Variants in ARHGAP21 observed in about 807,000 individuals in gnomAD.
ARHGAP21 encodes the protein Rho GTPase activating protein 21, also known as rho GTPase-activating protein 21.
A neutral mutation model predicts 164.6 loss-of-function variants in ARHGAP21; 38 were observed. The observed-to-expected ratio is 0.23, with a 90% CI of 0.18 to 0.30. The LOEUF (loss-of-function observed/expected upper bound fraction) is 0.30. ARHGAP21 is among the 10% of genes least tolerant of loss of function. The pLI is 1.00. For missense variants in ARHGAP21, 1,822 were observed against 2,370.7 expected, an observed-to-expected ratio of 0.77 and a Z score of 4.81; for synonymous variants, 766 against 857.9, an observed-to-expected ratio of 0.89 and a Z score of 1.87.
chr10:24,633,512 A>C (rs1200011183), intron 5 of ARHGAP21, 32 bp from the exon 6 acceptor site: 2 of 1,497,046 alleles, frequency 1.3e-6, no homozygotes, highest in Admixed American at 3.5e-5. Context: ...CAAATGAGAG[A>C]TCCTGCAGAA....
In ARHGAP21 at chr10:24,707,202, T is replaced by C. The variant is rs185291870; in HGVS notation, c.63+14635A>G. ...TGTAGCAATGTGAGAAAAGCCTAGA[T>C]CTTAATAAGACAGATGTATGACCAA... On this transcript the variant is annotated intron_variant, in intron 2 of 25. Transcript: ENST00000396432. Among the ~76,000 whole-genome samples the C allele has an allele frequency of 9.8e-4, 150 of 152,318 alleles. No individual in the cohort carries two copies. In the Middle Eastern group the frequency reaches 0.01, roughly 10 times the overall value.
chr10:24,697,175 G>A (rs891054746), intron 2 of ARHGAP21, among the ~76,000 whole-genome samples: 1 of 152,114 alleles, frequency 6.6e-6, no homozygotes, highest in African/African-American at 2.4e-5. Flanking sequence ...TGATGACCCA[G>A]ATGGGGCAAA....
At chr10:24,596,711 A>C (rs758955849) in intron 17 of ARHGAP21, 29 bp downstream of exon 17, 22 of 1,613,066 alleles carry the variant, frequency 1.4e-5, no homozygotes, top group Admixed American at 1.3e-4. Flanking sequence ...TAATGACTTG[A>C]GGAAATCCGG....
At chr10:24,590,837 A>G (rs1592927451) in intron 24 of ARHGAP21, 1 of 983,062 alleles carries the variant, frequency 1.0e-6, no homozygotes, top group East Asian at 1.1e-4. Flanking sequence ...AATAAGAACT[A>G]CTTATACAGC....
Position 24,620,859 on chromosome 10 carries a change from G to A in ARHGAP21, c.1036C>T (p.Leu346Phe), listed in dbSNP as rs757953065. ...SRSLEPSGIL[L>F]KSGNYSGHSD... ...TGTCCACTGTAATTTCCAGACTTAA[G>A]TAAAATTCCAGAAGGTTCCAGTGAT... is the stretch of plus-strand genomic sequence containing the variant. Residue 346 changes from leucine (L) to phenylalanine (F), a missense_variant, in exon 9 of 26, where the codon CTT (leucine) becomes TTT (phenylalanine). This residue lies in a region of ARHGAP21 where 1,090 missense variants were observed against 1,378.9 expected (regional missense o/e 0.79). Coordinates refer to ENST00000396432, the MANE Select transcript of ARHGAP21 (RefSeq NM_020824.4). 8 of 1,613,982 alleles carry A rather than the reference G, an allele frequency of 5.0e-6. No homozygotes were observed. The highest frequency in any genetic ancestry group is 6.8e-6 in the Non-Finnish European group (8 of 1,179,890).
intron 7 of ARHGAP21, among the ~76,000 whole-genome samples, chr10:24,625,319 A>AC: frequency 6.6e-6 from 1 of 151,164 alleles, no homozygotes; most frequent in Non-Finnish European, 1.5e-5. Context: ...AAAAAAAAAA[A>AC]AAAACCTGAA....
At chr10:24,612,143 C>A (rs1404073675) in intron 9 of ARHGAP21, among the ~76,000 whole-genome samples, 1 of 152,102 alleles carries the variant, frequency 6.6e-6, no homozygotes, top group Non-Finnish European at 1.5e-5. Context: ...GTGAAATTAT[C>A]AGAATTTTCA....
At chr10:24,614,030 G>GT (rs2077373783) in intron 9 of ARHGAP21, among the ~76,000 whole-genome samples, 1 of 152,196 alleles carries the variant, frequency 6.6e-6, no homozygotes, top group South Asian at 2.1e-4. Flanking sequence ...CTGACATGCT[G>GT]TAACAATTTC....
chr10:24,715,062 G>GA (rs1216724274), intron 2 of ARHGAP21, among the ~76,000 whole-genome samples: 3 of 151,410 alleles, frequency 2.0e-5, no homozygotes, highest in African/African-American at 4.8e-5. Context: ...AAAAGAAAAA[G>GA]AAAAAATTGT....
intron 4 of ARHGAP21, chr10:24,648,727 C>CGAGAT (rs1471150094): frequency 1.2e-6 from 1 of 850,380 alleles, no homozygotes; most frequent in East Asian, 1.2e-4. Context: ...TGCAGTGAGC[C>CGAGAT]GAGATGGTGC....
At chr10:24,647,177 T>C (rs947698701) in intron 4 of ARHGAP21, among the ~76,000 whole-genome samples, 2 of 152,232 alleles carry the variant, frequency 1.3e-5, no homozygotes, top group South Asian at 2.1e-4. Flanking sequence ...AACCTACTCC[T>C]AGAAATGGAA....
intron 2 of ARHGAP21, among the ~76,000 whole-genome samples, chr10:24,695,942 C>G (rs1843137645): frequency 6.6e-6 from 1 of 152,120 alleles, no homozygotes; most frequent in Non-Finnish European, 1.5e-5. Context: ...GCTGGAGGAC[C>G]CAGGTAAGCC....
At chr10:24,648,717 T>C (rs562700154) in intron 4 of ARHGAP21, 49 of 777,224 alleles carry the variant, frequency 6.3e-5, no homozygotes, top group Non-Finnish European at 4.2e-5. Flanking sequence ...AGGCGCAGGC[T>C]GCAGTGAGCC....
rs371239033 is a variant in ARHGAP21, at chr10:24,600,736, G to A, written c.3042C>T (p.Ser1014=). The A allele has an allele frequency of 2.2e-5, 35 of 1,613,832 alleles. No individual in the cohort carries two copies. Among genetic ancestry groups the A allele is most frequent in the African/African-American group, 6.7e-5 (5 of 74,908 alleles). ...KRKNVFRLTT[S]DCECLFQAED... ...CAGCCTGAAACAGGCATTCACAGTC[G>A]GACGTGGTGAGTCGAAACACATTTT... Residue 1014 remains serine (S), a synonymous_variant, in exon 14 of 26, where the codon TCC becomes TCT. Coordinates refer to ENST00000396432, the MANE Select transcript of ARHGAP21 (RefSeq NM_020824.4).
intron 7 of ARHGAP21, 92 bp downstream of exon 7, chr10:24,629,904 T>C: frequency 1.1e-6 from 1 of 935,996 alleles, no homozygotes; most frequent in South Asian, 1.4e-5. Flanking sequence ...TAGAATTTTT[T>C]TTAAATTCCA....
intron 2 of ARHGAP21, among the ~76,000 whole-genome samples, chr10:24,671,871 T>C (rs1338850804): frequency 1.3e-5 from 2 of 148,490 alleles, no homozygotes; most frequent in Admixed American, 1.4e-4. Context: ...TACAGGTGAA[T>C]GTCATCAAGC....
At position 24,585,722 on chromosome 10, in the gene ARHGAP21, T is replaced by A; in HGVS notation, c.4567A>T (p.Ile1523Phe). Residue 1523 changes from isoleucine to phenylalanine, a missense_variant, in exon 26 of 26, where the codon ATC (isoleucine) becomes TTC (phenylalanine). By Grantham distance (21) the Ile-to-Phe change is conservative. Around this residue, in one of 5 missense-constraint regions of ARHGAP21, gnomAD observed 333 missense variants for 383.9 expected, o/e 0.87. Transcript: ENST00000396432. Reference sequence around the variant, plus strand: ...AGTGACCTGGGGCTCTCTTTCAGGATGGCAAAGCGACAGCTGAGAGTTGGT... The same window carrying A: ...AGTGACCTGGGGCTCTCTTTCAGGAAGGCAAAGCGACAGCTGAGAGTTGGT... Reference protein sequence around the residue: ...KSPTLSCRFAILKESPRSLLA... With the variant: ...KSPTLSCRFAFLKESPRSLLA... The A allele has an allele frequency of 6.2e-7, 1 of 1,614,102 alleles. No homozygotes were observed. Among genetic ancestry groups the A allele is most frequent in the Non-Finnish European group, 8.5e-7 (1 of 1,179,992 alleles).
intron 11 of ARHGAP21, among the ~76,000 whole-genome samples, chr10:24,606,440 T>G (rs2077028803): frequency 6.6e-6 from 1 of 152,092 alleles, no homozygotes; most frequent in African/African-American, 2.4e-5. Flanking sequence ...AACTGCTAAG[T>G]GTCAAATTAA....
intron 6 of ARHGAP21, 126 bp downstream of exon 6, chr10:24,633,276 C>A: frequency 1.5e-6 from 1 of 673,872 alleles, no homozygotes; most frequent in Non-Finnish European, 2.4e-6. Context: ...TGCATTATAT[C>A]TAAGGGAAAG....
Sources: allele counts gnomAD v4.1 joint callset (sites outside exome capture counted in the v4.1 genomes callset), GRCh38; gene constraint gnomAD v4.1.1; regional missense constraint gnomAD v4.1.1; transcripts MANE v1.5; gene names NCBI Gene and HGNC (gene_info 2026-07-23, HGNC 2026-07-21).